The following PTPRD variants were observed in gnomAD, a reference collection of about 807,000 sequenced individuals.
PTPRD encodes protein tyrosine phosphatase receptor type D.
A neutral mutation model predicts 214.5 loss-of-function variants in PTPRD; 34 were observed. That is an observed-to-expected ratio of 0.16 (90% confidence interval 0.12 to 0.21). The LOEUF is 0.21. PTPRD is among the 10% of genes least tolerant of loss of function. The pLI is 1.00. For synonymous variants in PTPRD, 1,128 were observed against 845.7 expected, an observed-to-expected ratio of 1.33 and a Z score of -5.79; for missense variants, 2,545 against 2,398.7, an observed-to-expected ratio of 1.06 and a Z score of -1.27.
At chr9:8,657,391 A>G (rs1458893572) in intron 12 of PTPRD, among the ~76,000 whole-genome samples, 1 of 150,448 alleles carries the variant, frequency 6.6e-6, no homozygotes, top group Non-Finnish European at 1.5e-5. Context: ...CTGGTCTCGA[A>G]CTCCTGACCT....
intron 5 of PTPRD, among the ~76,000 whole-genome samples, chr9:9,902,137 T>C (rs1281244149): frequency 1.1e-4 from 17 of 152,198 alleles, no homozygotes; most frequent in Admixed American, 1.1e-3. Context: ...AATTGATATG[T>C]GTTTTCCATC....
chr9:9,598,617 T>C (rs974777885), intron 7 of PTPRD, among the ~76,000 whole-genome samples: 1 of 152,104 alleles, frequency 6.6e-6, no homozygotes, highest in Non-Finnish European at 1.5e-5. Context: ...CTTTTAAAAC[T>C]TCTATTTAAA....
At chr9:9,652,750 G>A (rs1299906861) in intron 7 of PTPRD, among the ~76,000 whole-genome samples, 1 of 151,688 alleles carries the variant, frequency 6.6e-6, no homozygotes, top group African/African-American at 2.4e-5. Flanking sequence ...AAGTAGCTGG[G>A]ATTACAGGTA....
intron 10 of PTPRD, among the ~76,000 whole-genome samples, chr9:9,053,283 T>A (rs967244173): frequency 1.3e-5 from 2 of 152,098 alleles, no homozygotes; most frequent in African/African-American, 4.8e-5. Flanking sequence ...CTTAGGAATA[T>A]CACATGATAT....
At chr9:8,995,736 TCA>T (rs779536337) in intron 11 of PTPRD, among the ~76,000 whole-genome samples, 1 of 151,560 alleles carries the variant, frequency 6.6e-6, no homozygotes, top group Non-Finnish European at 1.5e-5. Flanking sequence ...GTTTCAGGTT[TCA>T]CAGTGTTATA....
chr9:8,604,736 G>C (rs1248732959), intron 14 of PTPRD, among the ~76,000 whole-genome samples: 3 of 152,176 alleles, frequency 2.0e-5, no homozygotes, highest in African/African-American at 7.2e-5. Context: ...TGCCTACTGA[G>C]TTTGGTGGAA....
intron 10 of PTPRD, among the ~76,000 whole-genome samples, chr9:9,056,748 C>G (rs2099696954): frequency 6.6e-6 from 1 of 152,190 alleles, no homozygotes; most frequent in African/African-American, 2.4e-5. Flanking sequence ...TTGGCGTAGG[C>G]CTGTACACTT....
chr9:8,331,780 A>AGGAGGAT (rs1563999468), intron 43 of PTPRD, 44 bp from the exon 44 acceptor site: 3 of 1,528,696 alleles, frequency 2.0e-6, no homozygotes, highest in Non-Finnish European at 8.8e-7. Flanking sequence ...GGAAGACGCC[A>AGGAGGAT]GGAGGATTCA....
At chr9:8,897,558 C>G (rs764981039) in intron 11 of PTPRD, among the ~76,000 whole-genome samples, 1 of 152,158 alleles carries the variant, frequency 6.6e-6, no homozygotes, top group Non-Finnish European at 1.5e-5. Context: ...AGGGCCTTCG[C>G]CATGAGCTGT....
chr9:8,832,235 G>A (rs571560953), intron 11 of PTPRD, among the ~76,000 whole-genome samples: 18 of 152,038 alleles, frequency 1.2e-4, no homozygotes, highest in African/African-American at 3.6e-4. Flanking sequence ...CATTGATCCA[G>A]TAATCCCCAA....
intron 9 of PTPRD, among the ~76,000 whole-genome samples, chr9:9,247,325 A>G (rs1205640877): frequency 6.6e-6 from 1 of 152,044 alleles, no homozygotes; most frequent in African/African-American, 2.4e-5. Context: ...GTGTCCAATC[A>G]CATTTCTACC....
chr9:10,416,539 C>T (rs997732888), intron 2 of PTPRD, among the ~76,000 whole-genome samples: 6 of 151,626 alleles, frequency 4.0e-5, no homozygotes, highest in Non-Finnish European at 7.4e-5. Flanking sequence ...GCATGTGTTA[C>T]TAAAAAAGCG....
intron 2 of PTPRD, among the ~76,000 whole-genome samples, chr9:10,453,733 T>A (rs2098872825): frequency 6.6e-6 from 1 of 151,712 alleles, no homozygotes; most frequent in Non-Finnish European, 1.5e-5. Flanking sequence ...CACAAGATTA[T>A]GTCATTTGTA....
chr9:8,879,498 C>T (rs184956542), intron 11 of PTPRD, among the ~76,000 whole-genome samples: 97 of 152,240 alleles, frequency 6.4e-4, no homozygotes, highest in Non-Finnish European at 5.1e-4. Context: ...ACAGTCAGAT[C>T]GCTGGCCCAT....
chr9:9,235,860 T>G (rs7044418), intron 9 of PTPRD, among the ~76,000 whole-genome samples: 90,734 of 148,950 alleles, frequency 0.61, 27,094 homozygotes, highest in Non-Finnish European at 0.62. Flanking sequence ...TGACTTTTTT[T>G]TTGTTGTTGT....
At chr9:10,028,975 C>T (rs1156710526) in intron 4 of PTPRD, among the ~76,000 whole-genome samples, 3 of 152,062 alleles carry the variant, frequency 2.0e-5, no homozygotes, top group African/African-American at 7.2e-5. Context: ...GGCCCAGGGT[C>T]CCTGGGCTGT....
rs192160125 is a variant in PTPRD, at chr9:8,575,926, C to A, written c.353-47147G>T. Among the ~76,000 whole-genome samples, 84 of 152,292 alleles carry A rather than the reference C, an allele frequency of 5.5e-4. 1 individual carries two copies. The highest frequency in any genetic ancestry group is 3.7e-3 in the Admixed American group (57 of 15,292). The stretch of plus-strand genomic sequence containing the variant: ...AGAGGGCTGAACTCCATAATCGACT[C>A]TGCTATACAGGAGATGTACTACAAA... On this transcript the variant is annotated intron_variant, in intron 14 of 45. Coordinates refer to ENST00000381196, the MANE Select transcript of PTPRD (RefSeq NM_002839.4).
intron 11 of PTPRD, among the ~76,000 whole-genome samples, chr9:8,867,661 G>C (rs2098222521): frequency 6.6e-6 from 1 of 152,194 alleles, no homozygotes; most frequent in Admixed American, 6.5e-5. Flanking sequence ...TGAGAAATTA[G>C]AGCAAATGCT....
At chr9:8,991,545 A>C (rs2099366823) in intron 11 of PTPRD, among the ~76,000 whole-genome samples, 1 of 152,174 alleles carries the variant, frequency 6.6e-6, no homozygotes, top group African/African-American at 2.4e-5. Context: ...TTGTGTATCT[A>C]CATATTCCTA....
Sources: allele counts gnomAD v4.1 joint callset (sites outside exome capture counted in the v4.1 genomes callset), GRCh38; gene constraint gnomAD v4.1.1; transcripts MANE v1.5; gene names NCBI Gene and HGNC (gene_info 2026-07-23, HGNC 2026-07-21).